HLF: variants seen among roughly 807,000 people sequenced by gnomAD.
HLF encodes the protein HLF transcription factor, PAR bZIP family member, also known as hepatic leukemia factor.
HLF carries 3 observed loss-of-function variants against 22.6 expected under a neutral mutation model. That is an observed-to-expected ratio of 0.13 (90% CI 0.06 to 0.34). The LOEUF (loss-of-function observed/expected upper bound fraction) is 0.34, where lower values mean the gene tolerates loss of function less well. Among genes scored for constraint, HLF ranks in the 10% least tolerant of loss-of-function variants. The pLI is 1.00. For missense variants in HLF, 299 were observed against 389.2 expected, an observed-to-expected ratio of 0.77 and a Z score of 1.95; for synonymous variants, 151 against 151.8, an observed-to-expected ratio of 0.99 and a Z score of 0.04.
In HLF at chr17:55,265,420, T is replaced by G; in HGVS notation, c.-65T>G. The G allele has an allele frequency of 2.1e-6, 2 of 948,792 alleles. No homozygotes were observed. Among genetic ancestry groups the G allele is most frequent in the Non-Finnish European group, 3.3e-6 (2 of 609,710 alleles). 58.8% of individuals were successfully genotyped at this position (948,792 alleles called of 1,614,324 possible). On this transcript the variant is annotated 5_prime_UTR_variant, in exon 1 of 4. Transcript: ENST00000226067. Reference sequence around the variant, plus strand: ...AGGACGGAGGAAAAGCTCAGCAACATTTTAGGGGGCGGTTGTTTCTTTCTT... The same window carrying G: ...AGGACGGAGGAAAAGCTCAGCAACAGTTTAGGGGGCGGTTGTTTCTTTCTT...
intron 2 of HLF, among the ~76,000 whole-genome samples, chr17:55,301,410 T>G (rs548872418): frequency 9.1e-4 from 138 of 152,368 alleles, no homozygotes; most frequent in African/African-American, 3.2e-3. Context: ...GCATGGCCTT[T>G]GCCTGGAAAG....
intron 2 of HLF, among the ~76,000 whole-genome samples, chr17:55,305,131 C>T (rs1339952170): frequency 6.6e-6 from 1 of 152,232 alleles, no homozygotes; most frequent in East Asian, 1.9e-4. Context: ...TGACGGAATA[C>T]ATCAGACACC....
chr17:55,280,652 C>T lies in HLF; in HGVS notation c.451+12566C>T, dbSNP rs376537701. 4.7e-3 allele frequency among the ~76,000 whole-genome samples: 687 copies of T among 145,770 alleles called. 9 individuals are homozygous for T. Among genetic ancestry groups the T allele is most frequent in the African/African-American group, 0.016 (636 of 40,448 alleles). ...GCCATAAAGTAGTGAACTGGCTGTCCTCTAGTTGTTGTTGATGGGCTCTTG... is the reference window on the plus strand; with the variant it reads ...GCCATAAAGTAGTGAACTGGCTGTCTTCTAGTTGTTGTTGATGGGCTCTTG... On this transcript the variant is annotated intron_variant, in intron 2 of 3. Coordinates refer to ENST00000226067, the MANE Select transcript of HLF (RefSeq NM_002126.5).
At chr17:55,266,249 G>C (rs766387942) in intron 1 of HLF, 13 of 152,316 alleles carry the variant, frequency 8.5e-5, no homozygotes, top group African/African-American at 2.4e-4. Flanking sequence ...TTTCTGGTGG[G>C]AGGGGAGAGC....
intron 2 of HLF, among the ~76,000 whole-genome samples, chr17:55,271,017 G>A (rs951022067): frequency 6.6e-6 from 1 of 152,126 alleles, no homozygotes; most frequent in African/African-American, 2.4e-5. Context: ...TTGCAAGTAG[G>A]ACCCCCAGTG....
chr17:55,289,226 TC>T (rs1273982030), intron 2 of HLF, among the ~76,000 whole-genome samples: 1 of 152,156 alleles, frequency 6.6e-6, no homozygotes, highest in African/African-American at 2.4e-5. Context: ...GCTAAAGGCT[TC>T]CAAGCACCAG....
chr17:55,296,618 G>C (rs2081113845), intron 2 of HLF, among the ~76,000 whole-genome samples: 1 of 152,146 alleles, frequency 6.6e-6, no homozygotes, highest in Non-Finnish European at 1.5e-5. Flanking sequence ...TAGAACCTAT[G>C]ATCTGGATAT....
chr17:55,271,018 AC>A (rs1451945123), intron 2 of HLF, among the ~76,000 whole-genome samples: 2 of 151,840 alleles, frequency 1.3e-5, no homozygotes, highest in Non-Finnish European at 2.9e-5. Context: ...TGCAAGTAGG[AC>A]CCCCAGTGCC....
intron 2 of HLF, among the ~76,000 whole-genome samples, chr17:55,310,309 A>G (rs1242909136): frequency 1.3e-5 from 2 of 152,252 alleles, no homozygotes; most frequent in African/African-American, 4.8e-5. Context: ...GATCTTTTAA[A>G]TAAAGCTTTG....
At chr17:55,296,533 T>C (rs1298020983) in intron 2 of HLF, among the ~76,000 whole-genome samples, 2 of 152,210 alleles carry the variant, frequency 1.3e-5, no homozygotes, top group Non-Finnish European at 2.9e-5. Flanking sequence ...TACATAGTGT[T>C]ATGCATCTTG....
chr17:55,310,674 TAGAA>T (rs1904790300), intron 2 of HLF, among the ~76,000 whole-genome samples: 2 of 152,178 alleles, frequency 1.3e-5, no homozygotes, highest in Non-Finnish European at 2.9e-5. Flanking sequence ...ATTATAAACA[TAGAA>T]AGGATGCCAC....
intron 2 of HLF, among the ~76,000 whole-genome samples, chr17:55,276,524 T>C (rs2080905767): frequency 6.6e-6 from 1 of 152,044 alleles, no homozygotes; most frequent in Admixed American, 6.5e-5. Flanking sequence ...CTTGGAAGAG[T>C]TGTAGCCTGT....
intron 1 of HLF, chr17:55,266,768 A>G (rs2080795317): frequency 1.1e-5 from 11 of 971,582 alleles, no homozygotes; most frequent in Non-Finnish European, 1.3e-5. Context: ...CAAATTCCTT[A>G]ATCCCAGATT....
intron 2 of HLF, among the ~76,000 whole-genome samples, chr17:55,299,688 C>T (rs2081139919): frequency 1.3e-5 from 2 of 152,228 alleles, no homozygotes; most frequent in Admixed American, 6.5e-5. Flanking sequence ...GATCTTCCCA[C>T]CTTAGCCTCC....
At chr17:55,282,513 G>A (rs1598393507) in intron 2 of HLF, among the ~76,000 whole-genome samples, 1 of 152,102 alleles carries the variant, frequency 6.6e-6, no homozygotes, top group Admixed American at 6.6e-5. Context: ...TGGCTTTTAG[G>A]CGGCAAGAGA....
chr17:55,292,598 G>T (rs1004399655), intron 2 of HLF, among the ~76,000 whole-genome samples: 16 of 152,038 alleles, frequency 1.1e-4, no homozygotes, highest in Non-Finnish European at 4.4e-5. Context: ...TAGCTTTATT[G>T]CAGTGGTCTA....
At chr17:55,273,785 C>T (rs1451871068) in intron 2 of HLF, 1 of 151,628 alleles carries the variant, frequency 6.6e-6, no homozygotes, top group African/African-American at 2.4e-5. Flanking sequence ...TCCTCCCCCT[C>T]GCTTCCCTTC....
At chr17:55,272,434 G>A (rs963519365) in intron 2 of HLF, 1 of 152,186 alleles carries the variant, frequency 6.6e-6, no homozygotes, top group Non-Finnish European at 1.5e-5. Context: ...CCACTGTTAG[G>A]CCCATATTCC....
At chr17:55,277,840 G>C (rs1192631876) in intron 2 of HLF, among the ~76,000 whole-genome samples, 1 of 152,208 alleles carries the variant, frequency 6.6e-6, no homozygotes, top group Non-Finnish European at 1.5e-5. Flanking sequence ...AGAATCGAGT[G>C]TCTGCTGGGG....
Sources: gnomAD v4.1 joint callset for allele counts (sites outside exome capture counted in the v4.1 genomes callset) on GRCh38, gnomAD v4.1.1 for gene constraint, MANE v1.5 for transcripts, NCBI Gene and HGNC (gene_info 2026-07-23, HGNC 2026-07-21) for gene names.